Variants in NPAS2 observed in about 807,000 individuals in gnomAD.
NPAS2 encodes neuronal PAS domain-containing protein 2.
A neutral mutation model predicts 107.5 loss-of-function variants in NPAS2; 23 were observed. That is an observed-to-expected ratio of 0.21 (90% CI 0.15 to 0.30). NPAS2 has a LOEUF of 0.30. Ranked by LOEUF, NPAS2 falls within the 10% of genes least tolerant of loss-of-function variation. The pLI, the probability that NPAS2 is intolerant of heterozygous loss-of-function variation, is 1.00. For missense variants in NPAS2, 756 were observed against 1,043.3 expected (o/e 0.72, Z 3.79); for synonymous variants, 403 against 417.5 (o/e 0.97, Z 0.42).
intron 1 of NPAS2, chr2:100,821,122 CA>C: frequency 7.7e-7 from 1 of 1,304,704 alleles, no homozygotes; most frequent in Non-Finnish European, 1.0e-6. Flanking sequence ...GGTCGGTAAC[CA>C]GGGAAGGGAC....
At chr2:100,855,753 A>G (rs904932859) in intron 1 of NPAS2, among the ~76,000 whole-genome samples, 1 of 152,236 alleles carries the variant, frequency 6.6e-6, no homozygotes, top group Non-Finnish European at 1.5e-5. Flanking sequence ...TGAGGCAACC[A>G]GGCCCATTCC....
intron 1 of NPAS2, among the ~76,000 whole-genome samples, chr2:100,889,761 C>T (rs1680933808): frequency 6.6e-6 from 1 of 152,178 alleles, no homozygotes; most frequent in Non-Finnish European, 1.5e-5. Flanking sequence ...GGTTTTCAGA[C>T]AACTCAGATT....
At chr2:100,944,984 G>A (rs945502491) in intron 5 of NPAS2, among the ~76,000 whole-genome samples, 13 of 152,178 alleles carry the variant, frequency 8.5e-5, no homozygotes, top group African/African-American at 3.1e-4. Context: ...TCATTTTCAA[G>A]TATTTGAAAT....
intron 1 of NPAS2, among the ~76,000 whole-genome samples, chr2:100,898,989 C>T (rs1244615664): frequency 6.6e-6 from 1 of 152,092 alleles, no homozygotes; most frequent in Non-Finnish European, 1.5e-5. Context: ...TCTCAAAAAC[C>T]CGTATTCTGA....
At chr2:100,881,113 A>C (rs898683060) in intron 1 of NPAS2, among the ~76,000 whole-genome samples, 6 of 152,204 alleles carry the variant, frequency 3.9e-5, no homozygotes, top group Admixed American at 3.3e-4. Context: ...TGGACTGGGC[A>C]TCCGGACAAA....
chr2:100,858,527 C>T (rs976108078), intron 1 of NPAS2, among the ~76,000 whole-genome samples: 3 of 152,092 alleles, frequency 2.0e-5, no homozygotes, highest in South Asian at 2.1e-4. Context: ...TGTTCCCTTT[C>T]GTTATGGGGA....
intron 2 of NPAS2, among the ~76,000 whole-genome samples, chr2:100,906,250 T>C (rs1682139364): frequency 6.6e-6 from 1 of 152,190 alleles, no homozygotes; most frequent in Admixed American, 6.5e-5. Context: ...CAAAATCCAC[T>C]TGGGTTCCAA....
intron 1 of NPAS2, among the ~76,000 whole-genome samples, chr2:100,832,730 T>G (rs1255800465): frequency 6.6e-6 from 1 of 151,968 alleles, no homozygotes; most frequent in African/African-American, 2.4e-5. Flanking sequence ...GGGGTGCTAG[T>G]GCAGGAGACA....
chr2:100,839,261 A>G (rs576104953), intron 1 of NPAS2, among the ~76,000 whole-genome samples: 5 of 151,996 alleles, frequency 3.3e-5, no homozygotes, highest in African/African-American at 1.2e-4. Flanking sequence ...CCTGAGTAAC[A>G]GGGACTACAG....
chr2:100,823,134 G>T (rs6542992), intron 1 of NPAS2, among the ~76,000 whole-genome samples: 49,463 of 151,988 alleles, frequency 0.33, 10,619 homozygotes, highest in African/African-American at 0.6. Context: ...ATCCAAAGGT[G>T]AGAAATTTCT....
intron 15 of NPAS2, among the ~76,000 whole-genome samples, chr2:100,981,467 G>A (rs555202261): frequency 2.6e-5 from 4 of 152,258 alleles, no homozygotes; most frequent in Admixed American, 1.3e-4. Flanking sequence ...TGAGGGAGAC[G>A]GGACAGGAGG....
At chr2:100,866,134 G>A (rs961627956) in intron 1 of NPAS2, among the ~76,000 whole-genome samples, 3 of 152,228 alleles carry the variant, frequency 2.0e-5, no homozygotes, top group Admixed American at 1.3e-4. Flanking sequence ...CATCAGTGAG[G>A]CCTGAAAGAT....
At chr2:100,853,166 A>G (rs913311341) in intron 1 of NPAS2, among the ~76,000 whole-genome samples, 1 of 152,232 alleles carries the variant, frequency 6.6e-6, no homozygotes, top group Admixed American at 6.5e-5. Context: ...ATTGTGGTCA[A>G]GGGAGTGTAT....
At chr2:100,977,850 AGTGT>A in intron 15 of NPAS2, 51 bp downstream of exon 15, 5 of 1,482,370 alleles carry the variant, frequency 3.4e-6, no homozygotes, top group Non-Finnish European at 4.7e-6. Flanking sequence ...AGAAGTCCGC[AGTGT>A]GCTGCGCTGA....
At chr2:100,963,529 G>A (rs1014830859) in intron 7 of NPAS2, among the ~76,000 whole-genome samples, 3 of 152,134 alleles carry the variant, frequency 2.0e-5, no homozygotes, top group Admixed American at 1.3e-4. Flanking sequence ...CTCCCAAGCA[G>A]TTGGGATTAC....
chr2:100,935,848 G>A (rs940182393), intron 4 of NPAS2, among the ~76,000 whole-genome samples: 5 of 152,218 alleles, frequency 3.3e-5, no homozygotes, highest in Admixed American at 1.3e-4. Flanking sequence ...GTACTTCTTC[G>A]TTTACTGTAA....
chr2:100,820,572 G>T lies in NPAS2; in HGVS notation c.-23+158G>T, dbSNP rs1410731561. ...CGCGGCACCGGGGACCCCGGACGCG[G>T]GGGCGCGGAGAGGTGGGTTCCCCTC... On this transcript the variant is annotated intron_variant, in intron 1 of 20. Transcript: ENST00000335681. This position sits in a 1 kb window ranked among gnomAD's most constrained non-coding sequence, Gnocchi z 5.6. Among the ~76,000 whole-genome samples, 3 of 152,016 alleles carry T rather than the reference G, an allele frequency of 2.0e-5. No homozygotes were observed. Among genetic ancestry groups the T allele is most frequent in the Non-Finnish European group, 4.4e-5 (3 of 67,956 alleles).
At chr2:100,832,847 A>G (rs192335057) in intron 1 of NPAS2, among the ~76,000 whole-genome samples, 1 of 152,322 alleles carries the variant, frequency 6.6e-6, no homozygotes, top group African/African-American at 2.4e-5. Flanking sequence ...TCAGCTATCT[A>G]ACCTCTCTGT....
chr2:100,943,236 T>C (rs938606180), intron 5 of NPAS2, among the ~76,000 whole-genome samples: 1 of 152,234 alleles, frequency 6.6e-6, no homozygotes, highest in African/African-American at 2.4e-5. Flanking sequence ...TTTTTGTCAG[T>C]CTGGTACATG....
Sources: allele counts gnomAD v4.1 joint callset (sites outside exome capture counted in the v4.1 genomes callset), GRCh38; gene constraint gnomAD v4.1.1; non-coding constraint Gnocchi (gnomAD v3.1); transcripts MANE v1.5; gene names NCBI Gene and HGNC (gene_info 2026-07-23, HGNC 2026-07-21).